MTRR: variants seen among roughly 807,000 people sequenced by gnomAD.
MTRR encodes methionine synthase reductase.
MTRR carries 63 observed loss-of-function variants against 79.2 expected under a neutral mutation model. The ratio of observed to expected loss-of-function variants is 0.80; its 90% CI spans 0.65 to 0.98. The LOEUF is 0.98. Among genes scored for constraint, MTRR ranks in the 50% least tolerant of loss-of-function variants. The pLI is 0.00. For synonymous variants in MTRR, 355 were observed against 313.3 expected (o/e 1.13, Z -1.41); for missense variants, 895 against 839.6 (o/e 1.07, Z -0.82).
chr5:7,861,670 GA>G (rs866522734), intron 1 of MTRR: 4 of 1,604,274 alleles, frequency 2.5e-6, no homozygotes, highest in Admixed American at 1.7e-5. Flanking sequence ...GAGAAGAAAG[GA>G]AAAATTCCTC....
intron 8 of MTRR, among the ~76,000 whole-genome samples, chr5:7,887,437 C>G (rs910221196): frequency 3.3e-5 from 5 of 151,582 alleles, no homozygotes; most frequent in African/African-American, 1.2e-4. Context: ...AGGCCGCCAT[C>G]TCCCCAGTGT....
Position 7,895,651 on chromosome 5 carries a change from AT to A in MTRR, c.1558-80del, listed in dbSNP as rs547457487. The A allele has an allele frequency of 1.3e-5, 21 of 1,555,644 alleles. 1 individual carries two copies. In the South Asian group the frequency reaches 1.9e-4, roughly 14 times the overall value. ...CTTTGATGGGAATTTTCCCTTTCTG[AT>A]TTGTTTAGCAAAGATCATCTTGATT... On this transcript the variant is annotated intron_variant, in intron 11 of 14. Transcript: ENST00000440940.
intron 1 of MTRR, among the ~76,000 whole-genome samples, chr5:7,860,318 C>T (rs1746446511): frequency 1.3e-5 from 2 of 152,174 alleles, no homozygotes; most frequent in Admixed American, 1.3e-4. Flanking sequence ...GCTGAGCCCT[C>T]ACATAAGACC....
intron 9 of MTRR, 120 bp downstream of exon 9, chr5:7,889,395 A>C (rs1737176272): frequency 4.0e-6 from 4 of 1,002,044 alleles, no homozygotes; most frequent in Non-Finnish European, 6.1e-6. Context: ...ATGCCTAAAG[A>C]ATATATCTAA....
chr5:7,897,269 G>A, intron 14 of MTRR, 22 bp downstream of exon 14: 1 of 1,613,676 alleles, frequency 6.2e-7, no homozygotes, highest in Middle Eastern at 1.7e-4. Flanking sequence ...TCGTGCCTAA[G>A]TCGGGTAGGA....
At chr5:7,858,440 C>T (rs1355016557) in intron 1 of MTRR, among the ~76,000 whole-genome samples, 2 of 149,582 alleles carry the variant, frequency 1.3e-5, no homozygotes, top group African/African-American at 5.0e-5. Context: ...GTGCTTATCT[C>T]CTGCTCAATC....
intron 1 of MTRR, among the ~76,000 whole-genome samples, chr5:7,854,640 C>A (rs1051845464): frequency 8.5e-5 from 13 of 152,192 alleles, no homozygotes; most frequent in Non-Finnish European, 1.9e-4. Flanking sequence ...TTATTCCCTA[C>A]CACGAGAATA....
chr5:7,883,384 T>C, intron 6 of MTRR, 107 bp downstream of exon 6: 2 of 1,448,330 alleles, frequency 1.4e-6, no homozygotes, highest in Non-Finnish European at 1.9e-6. Context: ...CTTGGTTACA[T>C]ATGCTGAGTT....
intron 10 of MTRR, among the ~76,000 whole-genome samples, chr5:7,892,231 T>C (rs566572657): frequency 6.6e-6 from 1 of 152,314 alleles, no homozygotes; most frequent in South Asian, 2.1e-4. Flanking sequence ...TCTTTCGCAT[T>C]ATTTACCGTG....
At chr5:7,878,778 T>C (rs944204242) in intron 5 of MTRR, among the ~76,000 whole-genome samples, 3 of 152,254 alleles carry the variant, frequency 2.0e-5, no homozygotes, top group Non-Finnish European at 4.4e-5. Context: ...GCATAATAGC[T>C]AATTTCTCCC....
intron 11 of MTRR, among the ~76,000 whole-genome samples, chr5:7,894,589 A>G (rs912104444): frequency 2.6e-5 from 4 of 152,192 alleles, no homozygotes; most frequent in African/African-American, 9.7e-5. Flanking sequence ...TGGCATGGCT[A>G]ACTCCCTTGA....
In MTRR at chr5:7,891,408, G is replaced by C. The variant is rs764469824; in HGVS notation, c.1364G>C (p.Cys455Ser). 1.4e-5 allele frequency: 23 copies of C among 1,606,468 alleles called. No individual in the cohort carries two copies. The highest frequency in any genetic ancestry group is 1.9e-5 in the Non-Finnish European group (22 of 1,176,296). ...LPKLQPRPYSCASSSLFHPGK... is the reference protein window; with the variant it reads ...LPKLQPRPYSSASSSLFHPGK... The stretch of plus-strand genomic sequence containing the variant: ...AAACTTCAACCCAGACCATATTCGT[G>C]TGCAAGGTACTACTATTTATTCACG... Residue 455 changes from cysteine (C) to serine (S), a missense_variant, in exon 10 of 15, where the codon TGT (cysteine) becomes TCT (serine). Coordinates refer to ENST00000440940, the MANE Select transcript of MTRR (RefSeq NM_002454.3).
rs560321328 is a variant in MTRR, at chr5:7,870,800, G to A, written c.6G>A (p.Arg2=). ...CTGTTACATGCCTTGAAGTGATGAG[G>A]AGGTTTCTGTTACTATATGCTACAC... M[R]RFLLLYATQQ... is the part of the protein sequence containing the mutation. The change falls in exon 2 of 15, where the codon AGG becomes AGA. Residue 2 remains arginine, a synonymous_variant. Transcript: ENST00000440940. 2 of 1,614,182 alleles carry A rather than the reference G, an allele frequency of 1.2e-6. No individual in the cohort carries two copies.
At chr5:7,863,950 A>G (rs764181822) in intron 2 of MTRR, among the ~76,000 whole-genome samples, 2 of 152,020 alleles carry the variant, frequency 1.3e-5, no homozygotes, top group Non-Finnish European at 2.9e-5. Context: ...TCCTGGGTTG[A>G]GCGATTCTCC....
At chr5:7,890,284 C>T (rs1231342848) in intron 9 of MTRR, 11 of 985,312 alleles carry the variant, frequency 1.1e-5, no homozygotes, top group Non-Finnish European at 1.3e-5. Context: ...TAGGACCTCC[C>T]CAAAATGCTA....
At chr5:7,876,186 T>C (rs1159268030) in intron 4 of MTRR, among the ~76,000 whole-genome samples, 1 of 145,096 alleles carries the variant, frequency 6.9e-6, no homozygotes, top group East Asian at 2.0e-4. Flanking sequence ...GAACTCACCC[T>C]GTGCCCACTT....
intron 6 of MTRR, among the ~76,000 whole-genome samples, chr5:7,884,691 G>GAGGTTAAGA (rs1433342651): frequency 6.6e-6 from 1 of 151,998 alleles, no homozygotes; most frequent in Non-Finnish European, 1.5e-5. Flanking sequence ...CACCCTGCTG[G>GAGGTTAAGA]AATCCATTGA....
chr5:7,891,870 G>A (rs910089805), intron 10 of MTRR, among the ~76,000 whole-genome samples: 17 of 152,000 alleles, frequency 1.1e-4, no homozygotes, highest in South Asian at 4.1e-4. Context: ...GTGAAACCCC[G>A]TCTCTACTAA....
At chr5:7,861,505 C>T (rs1746531277) in intron 1 of MTRR, 2 of 1,065,004 alleles carry the variant, frequency 1.9e-6, no homozygotes, top group East Asian at 2.7e-5. Flanking sequence ...ATTTTTTTCA[C>T]CTTCTTGAGA....
Sources: gnomAD v4.1 joint callset for allele counts (sites outside exome capture counted in the v4.1 genomes callset) on GRCh38, gnomAD v4.1.1 for gene constraint, MANE v1.5 for transcripts, NCBI Gene and HGNC (gene_info 2026-07-23, HGNC 2026-07-21) for gene names.